The following FAM168A variants were observed in gnomAD, a reference collection of about 807,000 sequenced individuals.
The protein encoded by FAM168A is protein FAM168A.
In FAM168A, 3 loss-of-function variants were observed where a neutral mutation model predicts 28.5. The observed-to-expected ratio is 0.11, with a 90% CI of 0.05 to 0.27. The LOEUF (loss-of-function observed/expected upper bound fraction) is 0.27, where lower values mean the gene tolerates loss of function less well. FAM168A is among the 10% of genes least tolerant of loss of function. FAM168A has a pLI of 1.00. For synonymous variants in FAM168A, 122 were observed against 124.2 expected (o/e 0.98, Z 0.12); for missense variants, 222 against 311.5 (o/e 0.71, Z 2.16).
At chr11:73,412,848 T>C (rs1436100736) in intron 4 of FAM168A, among the ~76,000 whole-genome samples, 1 of 152,154 alleles carries the variant, frequency 6.6e-6, no homozygotes, top group Non-Finnish European at 1.5e-5. Flanking sequence ...CCAAGGACCC[T>C]TTCAGCTCCG....
At chr11:73,477,960 G>C (rs1237083338) in intron 1 of FAM168A, among the ~76,000 whole-genome samples, 1 of 142,614 alleles carries the variant, frequency 7.0e-6, no homozygotes, top group Non-Finnish European at 1.5e-5. Context: ...TAGATAGATA[G>C]ATAGATAGAT....
chr11:73,509,197 T>C (rs1374577414), intron 1 of FAM168A, among the ~76,000 whole-genome samples: 1 of 152,204 alleles, frequency 6.6e-6, no homozygotes, highest in Non-Finnish European at 1.5e-5. Context: ...GAAAGCAGCT[T>C]ATCCATGATC....
intron 1 of FAM168A, among the ~76,000 whole-genome samples, chr11:73,547,326 A>T (rs1943771656): frequency 6.7e-6 from 1 of 148,216 alleles, no homozygotes; most frequent in Non-Finnish European, 1.5e-5. Flanking sequence ...GGCAGGTATT[A>T]AAAAAAAAAT....
At chr11:73,427,922 A>C (rs996266709) in intron 3 of FAM168A, among the ~76,000 whole-genome samples, 2 of 152,170 alleles carry the variant, frequency 1.3e-5, no homozygotes, top group Non-Finnish European at 2.9e-5. Context: ...GGTAGTTTCC[A>C]GTCCTACTCC....
chr11:73,447,424 G>A (rs145829044), intron 2 of FAM168A, among the ~76,000 whole-genome samples: 15 of 151,848 alleles, frequency 9.9e-5, no homozygotes, highest in African/African-American at 3.4e-4. Flanking sequence ...ACAGCAGTGC[G>A]CATCTGTATT....
intron 1 of FAM168A, among the ~76,000 whole-genome samples, chr11:73,586,472 G>A (rs1289913634): frequency 6.6e-6 from 1 of 152,062 alleles, no homozygotes; most frequent in Admixed American, 6.5e-5. Flanking sequence ...TAAAAAATAT[G>A]GCCACATACA....
intron 4 of FAM168A, among the ~76,000 whole-genome samples, chr11:73,415,958 A>G (rs1565235071): frequency 6.6e-6 from 1 of 152,168 alleles, no homozygotes; most frequent in African/African-American, 2.4e-5. Flanking sequence ...ATTTTCCCCA[A>G]ATTGTACAGC....
In FAM168A at chr11:73,413,885, G is replaced by A. The variant is rs139740679; in HGVS notation, c.278-2349C>T. Among the ~76,000 whole-genome samples the A allele has an allele frequency of 1.9e-3, 295 of 152,234 alleles. 3 individuals are homozygous for A. The highest frequency in any genetic ancestry group is 6.5e-3 in the African/African-American group (269 of 41,526). Reference sequence around the variant, plus strand: ...GTTTAACACCAGCCTGGGTAACACAGACAGACTACATCTCTAAAAAAAGAA... The same window carrying A: ...GTTTAACACCAGCCTGGGTAACACAAACAGACTACATCTCTAAAAAAAGAA... On this transcript the variant is annotated intron_variant, in intron 4 of 7. Transcript: ENST00000356467.
intron 1 of FAM168A, among the ~76,000 whole-genome samples, chr11:73,592,644 A>G (rs1253099915): frequency 6.6e-6 from 1 of 151,198 alleles, no homozygotes; most frequent in Non-Finnish European, 1.5e-5. Flanking sequence ...AAGCAAGAGG[A>G]GGGGCTTCAG....
intron 2 of FAM168A, among the ~76,000 whole-genome samples, chr11:73,460,448 C>G (rs1418165897): frequency 6.6e-6 from 1 of 150,544 alleles, no homozygotes; most frequent in Non-Finnish European, 1.5e-5. Flanking sequence ...AGTCACTGTG[C>G]TAGGTACTGG....
At chr11:73,574,479 A>C (rs1401862319) in intron 1 of FAM168A, among the ~76,000 whole-genome samples, 4 of 152,200 alleles carry the variant, frequency 2.6e-5, no homozygotes, top group African/African-American at 9.7e-5. Context: ...AATTACCTAG[A>C]TGGAACAGCA....
At chr11:73,438,709 T>C (rs571938114) in intron 2 of FAM168A, among the ~76,000 whole-genome samples, 2 of 151,802 alleles carry the variant, frequency 1.3e-5, no homozygotes, top group South Asian at 4.2e-4. Flanking sequence ...TGAAAAGGAG[T>C]TCAGAGTGGT....
chr11:73,520,347 C>A (rs1565281329), intron 1 of FAM168A, among the ~76,000 whole-genome samples: 1 of 152,080 alleles, frequency 6.6e-6, no homozygotes, highest in Non-Finnish European at 1.5e-5. Flanking sequence ...CGCGCCTGGC[C>A]TAATTTTATT....
chr11:73,534,756 A>C (rs1183010939), intron 1 of FAM168A, among the ~76,000 whole-genome samples: 2 of 152,202 alleles, frequency 1.3e-5, no homozygotes, highest in Non-Finnish European at 2.9e-5. Flanking sequence ...AATTGATTAC[A>C]TGAAAATCTG....
chr11:73,440,615 T>A (rs138194768), intron 2 of FAM168A, among the ~76,000 whole-genome samples: 37 of 151,820 alleles, frequency 2.4e-4, no homozygotes, highest in Admixed American at 2.1e-3. Context: ...GGTGACAAAG[T>A]GATACCCTGT....
chr11:73,459,504 G>A (rs945246613), intron 2 of FAM168A, among the ~76,000 whole-genome samples: 22 of 150,506 alleles, frequency 1.5e-4, no homozygotes, highest in Admixed American at 1.5e-3. Context: ...AAAAAAAAAA[G>A]GAAAAAGAAA....
chr11:73,545,683 CTTTTTT>C (rs966309670), intron 1 of FAM168A, among the ~76,000 whole-genome samples: 1 of 105,174 alleles, frequency 9.5e-6, no homozygotes, highest in Non-Finnish European at 1.8e-5. Flanking sequence ...ATACTATATA[CTTTTTT>C]TTTTTTTTTT....
At chr11:73,592,889 G>C (rs1252264360) in intron 1 of FAM168A, among the ~76,000 whole-genome samples, 1 of 149,910 alleles carries the variant, frequency 6.7e-6, no homozygotes, top group Non-Finnish European at 1.5e-5. Context: ...AAAAAAAAGT[G>C]TTACTGGGTA....
At chr11:73,459,256 A>T (rs923204442) in intron 2 of FAM168A, among the ~76,000 whole-genome samples, 3 of 152,060 alleles carry the variant, frequency 2.0e-5, no homozygotes, top group South Asian at 2.1e-4. Flanking sequence ...GCCAATTTTT[A>T]AATTTTTTTT....
Sources: gnomAD v4.1 joint callset for allele counts (sites outside exome capture counted in the v4.1 genomes callset) on GRCh38, gnomAD v4.1.1 for gene constraint, MANE v1.5 for transcripts, NCBI Gene and HGNC (gene_info 2026-07-23, HGNC 2026-07-21) for gene names.